ATXN7L1: variants seen among roughly 807,000 people sequenced by gnomAD.
The protein encoded by ATXN7L1 is ataxin 7 like 1, also known as ataxin-7-like protein 1.
A neutral mutation model predicts 70.8 loss-of-function variants in ATXN7L1; 15 were observed. The observed-to-expected ratio is 0.21, with a 90% confidence interval of 0.14 to 0.33. The LOEUF (loss-of-function observed/expected upper bound fraction) is 0.33, where lower values mean the gene tolerates loss of function less well. Ranked by LOEUF, ATXN7L1 falls within the 10% of genes least tolerant of loss-of-function variation. The pLI is 1.00. For synonymous variants in ATXN7L1, 440 were observed against 445.1 expected (o/e 0.99, Z 0.14); for missense variants, 975 against 1,097.1 (o/e 0.89, Z 1.57).
At chr7:105,739,827 C>T (rs913037845) in intron 3 of ATXN7L1, among the ~76,000 whole-genome samples, 5 of 152,304 alleles carry the variant, frequency 3.3e-5, no homozygotes, top group African/African-American at 9.6e-5. Context: ...GGCAACATGA[C>T]CTCTAGGTCT....
chr7:105,769,220 T>C (rs1018905588), intron 3 of ATXN7L1, among the ~76,000 whole-genome samples: 1 of 152,154 alleles, frequency 6.6e-6, no homozygotes, highest in Non-Finnish European at 1.5e-5. Context: ...AGGCAAATGA[T>C]CAAGCTCAAA....
intron 7 of ATXN7L1, among the ~76,000 whole-genome samples, chr7:105,632,921 TAAA>T (rs11417434): frequency 1.7e-5 from 1 of 60,040 alleles, no homozygotes; most frequent in Non-Finnish European, 2.7e-5. Context: ...ATCTTGTCTT[TAAA>T]AAAAAAAAAA....
intron 2 of ATXN7L1, among the ~76,000 whole-genome samples, chr7:105,822,190 CT>C (rs1347390083): frequency 1.3e-5 from 2 of 152,224 alleles, no homozygotes; most frequent in Non-Finnish European, 2.9e-5. Flanking sequence ...GTAGCTCCAG[CT>C]ACTTGGGAGG....
rs138448223 is a variant in ATXN7L1 at position 105,746,712 on chromosome 7, A to G, written c.355+41892T>C. Among the ~76,000 whole-genome samples the G allele has an allele frequency of 4.1e-3, 619 of 152,344 alleles. 6 individuals are homozygous for G. The highest frequency in any genetic ancestry group is 0.014 in the African/African-American group (586 of 41,582). On this transcript the variant is annotated intron_variant, in intron 3 of 11. Coordinates refer to ENST00000419735, the MANE Select transcript of ATXN7L1 (RefSeq NM_020725.2). ...GTGAATCCCAGCCACTGCTTGGCAC[A>G]TAATAGGATCTCCTTAGTACTGTAT...
At chr7:105,623,022 C>T (rs562670386) in intron 8 of ATXN7L1, among the ~76,000 whole-genome samples, 34 of 152,314 alleles carry the variant, frequency 2.2e-4, no homozygotes, top group African/African-American at 7.7e-4. Flanking sequence ...GACCTTAGCG[C>T]TTGTGCCAGA....
chr7:105,814,174 G>A (rs939556077), intron 2 of ATXN7L1, among the ~76,000 whole-genome samples: 3 of 152,168 alleles, frequency 2.0e-5, no homozygotes, highest in Non-Finnish European at 2.9e-5. Context: ...TCTACCTGGG[G>A]ACCATCCAGT....
At chr7:105,656,617 C>G (rs1800686315) in intron 4 of ATXN7L1, among the ~76,000 whole-genome samples, 1 of 151,560 alleles carries the variant, frequency 6.6e-6, no homozygotes, top group Non-Finnish European at 1.5e-5. Context: ...GTCACCCACA[C>G]TGGAGTGCAG....
chr7:105,762,743 G>A (rs73413266), intron 3 of ATXN7L1, among the ~76,000 whole-genome samples: 1 of 152,344 alleles, frequency 6.6e-6, no homozygotes, highest in African/African-American at 2.4e-5. Flanking sequence ...CCTGCAGTGT[G>A]TGGGCTGGAC....
intron 2 of ATXN7L1, among the ~76,000 whole-genome samples, chr7:105,869,911 G>C (rs1165956169): frequency 6.6e-6 from 1 of 152,006 alleles, no homozygotes; most frequent in Non-Finnish European, 1.5e-5. Context: ...TTAGCCATAG[G>C]CCATATACAG....
intron 3 of ATXN7L1, among the ~76,000 whole-genome samples, chr7:105,688,819 G>C (rs1305068800): frequency 6.6e-6 from 1 of 152,210 alleles, no homozygotes; most frequent in African/African-American, 2.4e-5. Context: ...GAGCAGGTGT[G>C]AGTAGCTGGT....
intron 7 of ATXN7L1, among the ~76,000 whole-genome samples, chr7:105,634,262 G>T (rs913543464): frequency 6.6e-6 from 1 of 152,188 alleles, no homozygotes; most frequent in Non-Finnish European, 1.5e-5. Flanking sequence ...CTGGTCTAAC[G>T]TCAAAGCATA....
At chr7:105,659,575 G>A (rs1584567868) in intron 4 of ATXN7L1, among the ~76,000 whole-genome samples, 1 of 152,320 alleles carries the variant, frequency 6.6e-6, no homozygotes, top group Non-Finnish European at 1.5e-5. Flanking sequence ...AGAGAAGGTA[G>A]CCAGTGAAAC....
At chr7:105,806,729 C>T (rs959448348) in intron 2 of ATXN7L1, among the ~76,000 whole-genome samples, 4 of 152,012 alleles carry the variant, frequency 2.6e-5, no homozygotes, top group African/African-American at 7.3e-5. Context: ...CTGAGAGGAA[C>T]GCTCGCAGAG....
At chr7:105,816,344 A>G (rs1342694419) in intron 2 of ATXN7L1, among the ~76,000 whole-genome samples, 1 of 152,194 alleles carries the variant, frequency 6.6e-6, no homozygotes, top group African/African-American at 2.4e-5. Context: ...CTGAGAGAAA[A>G]CAATTTAATG....
intron 3 of ATXN7L1, among the ~76,000 whole-genome samples, chr7:105,695,937 G>A (rs560360752): frequency 6.6e-6 from 1 of 152,306 alleles, no homozygotes; most frequent in South Asian, 2.1e-4. Context: ...TGCAGGTAGG[G>A]ATGAATAGAG....
chr7:105,719,132 CAGGTAAATGA>C (rs1794903440), intron 3 of ATXN7L1, among the ~76,000 whole-genome samples: 1 of 152,084 alleles, frequency 6.6e-6, no homozygotes. Context: ...AGCCGAAGAA[CAGGTAAATGA>C]AGGGAAGCAA....
chr7:105,718,926 C>A (rs554123997), intron 3 of ATXN7L1, among the ~76,000 whole-genome samples: 1 of 152,272 alleles, frequency 6.6e-6, no homozygotes, highest in South Asian at 2.1e-4. Context: ...GAGAGAAGCA[C>A]CTGCTCTAGG....
rs547119381 is a variant in ATXN7L1, at chr7:105,661,570, G to A, written c.578+3496C>T. 3.5e-4 allele frequency among the ~76,000 whole-genome samples: 53 copies of A among 152,260 alleles called. No individual in the cohort carries two copies. In the South Asian group the frequency reaches 8.7e-3, roughly 25 times the overall value. The stretch of plus-strand genomic sequence containing the variant: ...GGACACACAGAAAGTTAGAGGCAGG[G>A]CCCAGACTTGAATTTGATTTTCTTA... On this transcript the variant is annotated intron_variant, in intron 4 of 11. Coordinates refer to ENST00000419735, the MANE Select transcript of ATXN7L1 (RefSeq NM_020725.2).
chr7:105,613,802 C>T (rs899607850), intron 10 of ATXN7L1, 60 bp downstream of exon 10: 24 of 1,551,134 alleles, frequency 1.5e-5, no homozygotes, highest in African/African-American at 4.1e-5. Flanking sequence ...TAAGCAGGGG[C>T]GCTGCCCAGC....
Sources: allele counts gnomAD v4.1 joint callset (sites outside exome capture counted in the v4.1 genomes callset), GRCh38; gene constraint gnomAD v4.1.1; transcripts MANE v1.5; gene names NCBI Gene and HGNC (gene_info 2026-07-23, HGNC 2026-07-21).